The following SMG1 variants were observed in gnomAD, a reference collection of about 807,000 sequenced individuals.
SMG1 encodes the protein SMG1 nonsense mediated mRNA decay associated PI3K related kinase.
SMG1 carries 22 observed loss-of-function variants against 419.9 expected under a neutral mutation model. That is an observed-to-expected ratio of 0.05 (90% confidence interval 0.04 to 0.07). SMG1 has a LOEUF of 0.07. Ranked by LOEUF, SMG1 falls within the 10% of genes least tolerant of loss-of-function variation. SMG1 has a pLI of 1.00. For missense variants in SMG1, 3,185 were observed against 4,342.0 expected (o/e 0.73, Z 7.49); for synonymous variants, 1,538 against 1,553.5 (o/e 0.99, Z 0.23).
At chr16:18,812,902 G>C (rs146726204) in intron 60 of SMG1, among the ~76,000 whole-genome samples, 14,438 of 152,020 alleles carry the variant, frequency 0.095, 745 homozygotes, top group Middle Eastern at 0.17. Flanking sequence ...TCCCACCTAT[G>C]AGTGAGAACA....
intron 40 of SMG1, 27 bp from the exon 41 acceptor site, chr16:18,841,821 G>T: frequency 6.3e-7 from 1 of 1,590,440 alleles, no homozygotes; most frequent in South Asian, 1.1e-5. Context: ...AAAATAGCTA[G>T]GATAGGTGAT....
In SMG1 at chr16:18,866,687, C is replaced by G; in HGVS notation, c.3284G>C (p.Trp1095Ser). 1 of 1,594,634 alleles carries G rather than the reference C, an allele frequency of 6.3e-7. No homozygotes were observed. The change falls in exon 23 of 63, where the codon TGG becomes TCG. Residue 1095 changes from tryptophan to serine, a missense_variant. By Grantham distance (177) the Trp-to-Ser change is radical. Coordinates refer to ENST00000446231, the MANE Select transcript of SMG1 (RefSeq NM_015092.5). ...ATTTTTTCCAACAATAGATGATGACCAGACAGCAATTCCCTGTATAGCTTC... is the reference window on the plus strand; with the variant it reads ...ATTTTTTCCAACAATAGATGATGACGAGACAGCAATTCCCTGTATAGCTTC... The part of the protein sequence containing the change: ...CPEAIQGIAV[W>S]SSSIVGKNLL...
In SMG1 at chr16:18,884,732, T is replaced by C. The variant is rs1404187418; in HGVS notation, c.1021+358A>G. 6.0e-5 allele frequency: 12 copies of C among 200,676 alleles called. 1 individual carries two copies. The highest frequency in any genetic ancestry group is 1.2e-4 in the African/African-American group (5 of 42,854). 12.4% of individuals were successfully genotyped at this position (200,676 alleles called of 1,614,324 possible). A position where few individuals can be genotyped will look rare whatever the true frequency, so the allele number is the denominator to read the frequency against. ...TTATGACAATTCTCCAAATTAACCCTGTATTTCCTTTTTTAAAAAAATTAC... is the reference window on the plus strand; with the variant it reads ...TTATGACAATTCTCCAAATTAACCCCGTATTTCCTTTTTTAAAAAAATTAC... On this transcript the variant is annotated intron_variant, in intron 8 of 62. Coordinates refer to ENST00000446231, the MANE Select transcript of SMG1 (RefSeq NM_015092.5).
intron 25 of SMG1, among the ~76,000 whole-genome samples, chr16:18,861,814 G>A (rs750139803): frequency 6.6e-6 from 1 of 152,100 alleles, no homozygotes; most frequent in Non-Finnish European, 1.5e-5. Context: ...AAAAAAGTAG[G>A]CTTTAATTTC....
intron 1 of SMG1, among the ~76,000 whole-genome samples, chr16:18,924,185 G>C (rs936739736): frequency 7.2e-5 from 11 of 152,026 alleles, no homozygotes; most frequent in African/African-American, 2.2e-4. Flanking sequence ...CCCCTCCCCA[G>C]AGCCAAGAAA....
chr16:18,806,783 G>A lies in SMG1; in HGVS notation c.*2786C>T, dbSNP rs910747247. 1.3e-5 allele frequency: 2 copies of A among 152,192 alleles called. No homozygotes were observed. The highest frequency in any genetic ancestry group is 2.9e-5 in the Non-Finnish European group (2 of 68,032). 9.4% of individuals were successfully genotyped at this position (152,192 alleles called of 1,614,324 possible). The stretch of plus-strand genomic sequence containing the variant: ...AAGGGGGAGGCAAGAGAGAGAAACA[G>A]GAGAGGATCCCTGGTTTTCCACAGG... On this transcript the variant is annotated 3_prime_UTR_variant, in exon 63 of 63. Coordinates refer to ENST00000446231, the MANE Select transcript of SMG1 (RefSeq NM_015092.5).
chr16:18,872,293 C>T lies in SMG1; in HGVS notation c.2074G>A (p.Asp692Asn), dbSNP rs2035863745. Residue 692 changes from aspartate (D) to asparagine (N), a missense_variant, in exon 15 of 63, where the codon GAT (aspartate) becomes AAT (asparagine). By Grantham distance (23) the Asp-to-Asn change is conservative. This residue lies in a region of SMG1 where 297 missense variants were observed against 491.0 expected (regional missense o/e 0.60). Coordinates refer to ENST00000446231, the MANE Select transcript of SMG1 (RefSeq NM_015092.5). ...GTTACAGTGCTAATCACAGCTCCAT[C>T]AAACAAAGAAGGAGAGGAAGAACTG... ...SLSSSSPSLF[D>N]GAVISTVTTA... is the part of the protein sequence containing the mutation. The T allele has an allele frequency of 6.3e-7, 1 of 1,596,970 alleles. No individual in the cohort carries two copies. Among genetic ancestry groups the T allele is most frequent in the Non-Finnish European group, 8.5e-7 (1 of 1,172,376 alleles).
intron 23 of SMG1, among the ~76,000 whole-genome samples, chr16:18,865,885 C>T (rs1258389408): frequency 6.6e-6 from 1 of 152,086 alleles, no homozygotes; most frequent in Admixed American, 6.5e-5. Flanking sequence ...TAGTCTCAAA[C>T]TCCTGACCTC....
chr16:18,900,149 T>C (rs898310192), intron 1 of SMG1: 3 of 638,716 alleles, frequency 4.7e-6, no homozygotes, highest in Non-Finnish European at 8.3e-6. Context: ...TTAGTTGAAC[T>C]ATGGTCCCAT....
intron 48 of SMG1, among the ~76,000 whole-genome samples, chr16:18,835,437 C>T (rs891933098): frequency 5.3e-5 from 8 of 151,956 alleles, no homozygotes; most frequent in African/African-American, 1.9e-4. Flanking sequence ...CTCAGGAGTT[C>T]GAGACCAGCC....
Position 18,885,108 on chromosome 16 carries a change from G to A in SMG1, c.1003C>T (p.Leu335Phe). The A allele has an allele frequency of 1.0e-6, 1 of 990,952 alleles. No individual in the cohort carries two copies. Among genetic ancestry groups the A allele is most frequent in the Non-Finnish European group, 1.5e-6 (1 of 653,102 alleles). The allele number at this position is 990,952 out of a possible 1,614,324, so 61.4% of individuals were successfully genotyped here. ...WHIDHTQKPSLTQQVSGWLQS... is the reference protein window; with the variant it reads ...WHIDHTQKPSFTQQVSGWLQS... ...GACTTACCAGATACCTGCTGCGTGA[G>A]CGAAGGTTTCTGAGTATGATCTATA... Residue 335 changes from leucine (L) to phenylalanine (F), a missense_variant, in exon 8 of 63, where the codon CTC (leucine) becomes TTC (phenylalanine). By Grantham distance (22) the Leu-to-Phe change is conservative. Coordinates refer to ENST00000446231, the MANE Select transcript of SMG1 (RefSeq NM_015092.5).
chr16:18,815,364 A>C (rs2031908968), intron 59 of SMG1, 76 bp downstream of exon 59: 2 of 1,570,442 alleles, frequency 1.3e-6, no homozygotes, highest in East Asian at 4.5e-5. Context: ...CTGAAAAATT[A>C]AATCAAGAGA....
chr16:18,836,804 A>T (rs2033606337), intron 46 of SMG1, among the ~76,000 whole-genome samples: 1 of 152,230 alleles, frequency 6.6e-6, no homozygotes, highest in South Asian at 2.1e-4. Context: ...TTGTAATCTG[A>T]GAGCCTCACA....
At chr16:18,913,492 TAA>T (rs201026213) in intron 1 of SMG1, among the ~76,000 whole-genome samples, 2 of 143,352 alleles carry the variant, frequency 1.4e-5, no homozygotes, top group African/African-American at 2.6e-5. Flanking sequence ...AGAGCTTCAG[TAA>T]AAAAAAAAAG....
intron 60 of SMG1, among the ~76,000 whole-genome samples, chr16:18,814,269 C>T (rs1168125665): frequency 6.6e-6 from 1 of 151,532 alleles, no homozygotes; most frequent in African/African-American, 2.4e-5. Flanking sequence ...TGGTTTCTGC[C>T]TCTATTTGGA....
At chr16:18,899,135 G>T (rs1245898103) in intron 1 of SMG1, among the ~76,000 whole-genome samples, 2 of 152,102 alleles carry the variant, frequency 1.3e-5, no homozygotes, top group African/African-American at 4.8e-5. Flanking sequence ...ATGAGTATAT[G>T]AATATAATCA....
chr16:18,846,685 C>A (rs993553076), intron 38 of SMG1, among the ~76,000 whole-genome samples: 6 of 152,146 alleles, frequency 3.9e-5, no homozygotes, highest in Non-Finnish European at 7.4e-5. Context: ...CACTTCGCAT[C>A]CATCACAACA....
rs750069094 is a variant in SMG1 at position 18,838,511 on chromosome 16, C to CA, written c.7084+39dup. ...ATATTTTTGCCCTTTCACCAAAAAA[C>CA]ATTTGGCCCTCATAAATGTAAAGTC... On this transcript the variant is annotated intron_variant, in intron 43 of 62. Transcript: ENST00000446231. 1.1e-5 allele frequency: 17 copies of CA among 1,613,822 alleles called. No individual in the cohort carries two copies. In the African/African-American group the frequency reaches 2.1e-4, roughly 20 times the overall value.
At chr16:18,837,157 T>C in intron 46 of SMG1, 96 bp downstream of exon 46, 1 of 1,154,828 alleles carries the variant, frequency 8.7e-7, no homozygotes, top group Non-Finnish European at 1.2e-6. Context: ...ATTTATGTGA[T>C]TTGTTACAAT....
Sources: allele counts gnomAD v4.1 joint callset (sites outside exome capture counted in the v4.1 genomes callset), GRCh38; gene constraint gnomAD v4.1.1; regional missense constraint gnomAD v4.1.1; transcripts MANE v1.5; gene names NCBI Gene and HGNC (gene_info 2026-07-23, HGNC 2026-07-21).